The following GDF11 variants were observed in gnomAD, a reference collection of about 807,000 sequenced individuals.
The protein encoded by GDF11 is growth differentiation factor 11, also known as growth/differentiation factor 11.
GDF11 carries 12 observed loss-of-function variants against 34.4 expected under a neutral mutation model. That is an observed-to-expected ratio of 0.35 (90% CI 0.22 to 0.57). GDF11 has a LOEUF of 0.57. Ranked by LOEUF, GDF11 falls within the 20% of genes least tolerant of loss-of-function variation. The probability of loss-of-function intolerance (pLI) is 0.86; values close to 1 mark genes in which losing one functional copy is unlikely to be tolerated. For missense variants in GDF11, 346 were observed against 548.2 expected (o/e 0.63, Z 3.68); for synonymous variants, 212 against 231.1 (o/e 0.92, Z 0.75).
intron 1 of GDF11, among the ~76,000 whole-genome samples, chr12:55,746,084 C>G (rs902208348): frequency 1.3e-5 from 2 of 152,148 alleles, no homozygotes; most frequent in Non-Finnish European, 2.9e-5. Context: ...GCGCCGCCTA[C>G]TAAACCTGAC....
Position 55,753,383 on chromosome 12 carries a change from G to C in GDF11, c.*3501G>C, listed in dbSNP as rs893438669. ...ATCTCAAATATTCTTTCAGTTCACT[G>C]TAAAAATTTTTCCCATGTACCTAGA... On this transcript the variant is annotated 3_prime_UTR_variant, in exon 3 of 3. Coordinates refer to ENST00000257868, the MANE Select transcript of GDF11 (RefSeq NM_005811.5). The C allele has an allele frequency of 2.6e-5, 4 of 152,144 alleles. No homozygotes were observed. Among genetic ancestry groups the C allele is most frequent in the African/African-American group, 9.7e-5 (4 of 41,430 alleles). 9.4% of individuals were successfully genotyped at this position (152,144 alleles called of 1,614,324 possible).
Position 55,757,216 on chromosome 12 carries a change from A to T in GDF11, c.*7334A>T, listed in dbSNP as rs1878533574. 4.1e-6 allele frequency: 1 copy of T among 241,480 alleles called. No homozygotes were observed. Among genetic ancestry groups the T allele is most frequent in the Non-Finnish European group, 8.0e-6 (1 of 124,798 alleles). 15.0% of individuals were successfully genotyped at this position (241,480 alleles called of 1,614,324 possible). A position where few individuals can be genotyped will look rare whatever the true frequency, so the allele number is the denominator to read the frequency against. On this transcript the variant is annotated 3_prime_UTR_variant, in exon 3 of 3. Transcript: ENST00000257868. Reference sequence around the variant, plus strand: ...AATATTTGCCCCTGAAGCTCCCCTTATCTGGTCTAATCTAGCTCCAATAAA... The same window carrying T: ...AATATTTGCCCCTGAAGCTCCCCTTTTCTGGTCTAATCTAGCTCCAATAAA...
In GDF11 at chr12:55,748,807, T is replaced by A; in HGVS notation, c.667T>A (p.Ser223Thr). 6.2e-7 allele frequency: 1 copy of A among 1,614,142 alleles called. No individual in the cohort carries two copies. The highest frequency in any genetic ancestry group is 8.5e-7 in the Non-Finnish European group (1 of 1,180,034). The change falls in exon 2 of 3, where the codon TCA becomes ACA. Residue 223 changes from serine to threonine, a missense_variant. Around this residue, in one of 3 missense-constraint regions of GDF11, gnomAD observed 205 missense variants for 311.3 expected, o/e 0.66. Coordinates refer to ENST00000257868, the MANE Select transcript of GDF11 (RefSeq NM_005811.5). The surrounding 1 kb of genome is among the most constrained non-coding windows in gnomAD (Gnocchi z 5.6). Reference protein sequence around the residue: ...GGGRRHIRIRSLKIELHSRSG... With the variant: ...GGGRRHIRIRTLKIELHSRSG... ...AGGCCGGCGTCACATCCGTATCCGC[T>A]CACTGAAGATTGAGCTGCACTCACG...
Position 55,749,432 on chromosome 12 carries a change from G to A in GDF11, c.844-70G>A. The A allele has an allele frequency of 1.4e-6, 2 of 1,478,726 alleles. No homozygotes were observed. The highest frequency in any genetic ancestry group is 1.8e-6 in the Non-Finnish European group (2 of 1,098,032). 91.6% of individuals were successfully genotyped at this position (1,478,726 alleles called of 1,614,324 possible). A position where few individuals can be genotyped will look rare whatever the true frequency, so the allele number is the denominator to read the frequency against. ...CTCTATTCTGATGCCCCTGGCAGGTGGGAAAGGAACAGGGAAGAGGAACTG... is the reference window on the plus strand; with the variant it reads ...CTCTATTCTGATGCCCCTGGCAGGTAGGAAAGGAACAGGGAAGAGGAACTG... On this transcript the variant is annotated intron_variant, in intron 2 of 2. Transcript: ENST00000257868. This position sits in a 1 kb window ranked among gnomAD's most constrained non-coding sequence, Gnocchi z 5.6.
In GDF11 at chr12:55,748,299, T is replaced by C. The variant is rs1333485536; in HGVS notation, c.446-287T>C. The stretch of plus-strand genomic sequence containing the variant: ...GCTGGGAAAAGTTGGACAGTAAGGA[T>C]GGTGGTGGATGAATAATTTTGCAGG... On this transcript the variant is annotated intron_variant, in intron 1 of 2. Transcript: ENST00000257868. This position sits in a 1 kb window ranked among gnomAD's most constrained non-coding sequence, Gnocchi z 5.6. Among the ~76,000 whole-genome samples the C allele has an allele frequency of 2.6e-5, 4 of 152,122 alleles. No homozygotes were observed. Among genetic ancestry groups the C allele is most frequent in the Non-Finnish European group, 4.4e-5 (3 of 68,024 alleles).
At chr12:55,743,950 A>G (rs1182162784) in intron 1 of GDF11, among the ~76,000 whole-genome samples, 189 bp downstream of exon 1, 3 of 152,134 alleles carry the variant, frequency 2.0e-5, no homozygotes. Flanking sequence ...GCAAAGTTGT[A>G]TGCACGCCTA....
chr12:55,750,861 A>G lies in GDF11; in HGVS notation c.*979A>G, dbSNP rs556284143. ...CCTCATGATGCTGAGTTATTTAGCC[A>G]GAGGGTGCAGCCTGCTTATGCCCAA... On this transcript the variant is annotated 3_prime_UTR_variant, in exon 3 of 3. Coordinates refer to ENST00000257868, the MANE Select transcript of GDF11 (RefSeq NM_005811.5). 1 of 152,312 alleles carries G rather than the reference A, an allele frequency of 6.6e-6. No individual in the cohort carries two copies. The highest frequency in any genetic ancestry group is 1.9e-4 in the East Asian group (1 of 5,182). The allele number at this position is 152,312 out of a possible 1,614,324, so 9.4% of individuals were successfully genotyped here.
At position 55,749,994 on chromosome 12, in the gene GDF11, G is replaced by GTTCCCCGACCAAGCC; in HGVS notation, c.*113_*127dup. Reference sequence around the variant, plus strand: ...CCACTCTTCCCGCGAACATCACACCGTTCCCCGACCAAGCCGTGTGCAATA... The same window carrying GTTCCCCGACCAAGCC: ...CCACTCTTCCCGCGAACATCACACCGTTCCCCGACCAAGCCTTCCCCGACCAAGCCGTGTGCAATA... On this transcript the variant is annotated 3_prime_UTR_variant, in exon 3 of 3. Transcript: ENST00000257868. This position sits in a 1 kb window ranked among gnomAD's most constrained non-coding sequence, Gnocchi z 5.6. The GTTCCCCGACCAAGCC allele has an allele frequency of 1.1e-6, 1 of 932,102 alleles. No homozygotes were observed. The highest frequency in any genetic ancestry group is 2.5e-5 in the East Asian group (1 of 40,720). 57.7% of individuals were successfully genotyped at this position (932,102 alleles called of 1,614,324 possible).
chr12:55,743,259 C>T lies in GDF11; in HGVS notation c.-58C>T, dbSNP rs1878092455. 4 of 629,550 alleles carry T rather than the reference C, an allele frequency of 6.4e-6. No homozygotes were observed. In the South Asian group the frequency reaches 2.0e-4, roughly 31 times the overall value. 39.0% of individuals were successfully genotyped at this position (629,550 alleles called of 1,614,324 possible). A position where few individuals can be genotyped will look rare whatever the true frequency, so the allele number is the denominator to read the frequency against. On this transcript the variant is annotated 5_prime_UTR_variant, in exon 1 of 3. Coordinates refer to ENST00000257868, the MANE Select transcript of GDF11 (RefSeq NM_005811.5). ...TCCTCCCTCCCTCCTCCCTCCGCCC[C>T]CTCCCCGCGGGACTCCGGCGTCCCC...
At position 55,755,757 on chromosome 12, in the gene GDF11, A is replaced by G. The variant is rs1006257177; in HGVS notation, c.*5875A>G. ...TTAGAGACTTCTGACCAACATAGGA[A>G]CAGCTGCTGAAATGGGATGAAAGAG... On this transcript the variant is annotated 3_prime_UTR_variant, in exon 3 of 3. Coordinates refer to ENST00000257868, the MANE Select transcript of GDF11 (RefSeq NM_005811.5). The G allele has an allele frequency of 1.5e-4, 23 of 151,786 alleles. No homozygotes were observed. Among genetic ancestry groups the G allele is most frequent in the African/African-American group, 5.3e-4 (22 of 41,160 alleles). 9.4% of individuals were successfully genotyped at this position (151,786 alleles called of 1,614,324 possible). A position where few individuals can be genotyped will look rare whatever the true frequency, so the allele number is the denominator to read the frequency against.
In GDF11 at chr12:55,751,721, G is replaced by C. The variant is rs1878327960; in HGVS notation, c.*1839G>C. 1 of 152,184 alleles carries C rather than the reference G, an allele frequency of 6.6e-6. No homozygotes were observed. The highest frequency in any genetic ancestry group is 1.5e-5 in the Non-Finnish European group (1 of 68,058). 9.4% of individuals were successfully genotyped at this position (152,184 alleles called of 1,614,324 possible). ...TCACCACCAGGCCTCTTGGCTCCAG[G>C]CAAGAGCTTAGAGGATGTCAGGAGA... On this transcript the variant is annotated 3_prime_UTR_variant, in exon 3 of 3. Transcript: ENST00000257868.
At chr12:55,744,493 G>C (rs1002172388) in intron 1 of GDF11, among the ~76,000 whole-genome samples, 5 of 152,156 alleles carry the variant, frequency 3.3e-5, no homozygotes, top group Non-Finnish European at 5.9e-5. Flanking sequence ...GGACTTGAGA[G>C]AGACGAAGAC....
chr12:55,746,905 G>A (rs1022084106), intron 1 of GDF11, among the ~76,000 whole-genome samples: 4 of 152,200 alleles, frequency 2.6e-5, no homozygotes, highest in African/African-American at 4.8e-5. Context: ...AGAACTTTCA[G>A]GCACTTGCCT....
In GDF11 at chr12:55,756,236, T is replaced by C. The variant is rs1878502238; in HGVS notation, c.*6354T>C. 1 of 152,208 alleles carries C rather than the reference T, an allele frequency of 6.6e-6. No homozygotes were observed. The highest frequency in any genetic ancestry group is 1.5e-5 in the Non-Finnish European group (1 of 68,030). The allele number at this position is 152,208 out of a possible 1,614,324, so 9.4% of individuals were successfully genotyped here. On this transcript the variant is annotated 3_prime_UTR_variant, in exon 3 of 3. Transcript: ENST00000257868. ...TTTGGTTGAAGAGGTGTCAAAAATT[T>C]AACCAGCATTCCCTTTTGTTCACTT... is the stretch of plus-strand genomic sequence containing the variant.
At position 55,753,782 on chromosome 12, in the gene GDF11, AAAAAAAAAAAAAAGG is replaced by A. The variant is rs1878414217; in HGVS notation, c.*3904_*3918del. On this transcript the variant is annotated 3_prime_UTR_variant, in exon 3 of 3. Coordinates refer to ENST00000257868, the MANE Select transcript of GDF11 (RefSeq NM_005811.5). Reference sequence around the variant, plus strand: ...AGACTCCCATCTCCAAAAAAAAAAAAAAAAAAAAAAAAAGGAAAGCAGGACCCAGTGGTGTGCTCC... The same window carrying A: ...AGACTCCCATCTCCAAAAAAAAAAAAAAAGCAGGACCCAGTGGTGTGCTCC... 1 of 150,820 alleles carries A rather than the reference AAAAAAAAAAAAAAGG, an allele frequency of 6.6e-6. No individual in the cohort carries two copies. The highest frequency in any genetic ancestry group is 6.6e-5 in the Admixed American group (1 of 15,114). The allele number at this position is 150,820 out of a possible 1,614,324, so 9.3% of individuals were successfully genotyped here.
In GDF11 at chr12:55,743,296, C is replaced by T. The variant is rs988368754; in HGVS notation, c.-21C>T. On this transcript the variant is annotated 5_prime_UTR_variant, in exon 1 of 3. Transcript: ENST00000257868. The stretch of plus-strand genomic sequence containing the variant: ...ACTCCGGCGTCCCCGCCCCCCAGTC[C>T]TCCCTCCCCTCCCCTCCAGCATGGT... The T allele has an allele frequency of 1.2e-5, 11 of 952,010 alleles. No individual in the cohort carries two copies. In the African/African-American group the frequency reaches 2.0e-4, roughly 17 times the overall value. 59.0% of individuals were successfully genotyped at this position (952,010 alleles called of 1,614,324 possible).
rs1878291670 is a variant in GDF11, at chr12:55,750,677, A to G, written c.*795A>G. ...TTAGTTTCTAACCCATCATCACCCTAACTCAACCTTTTCTGAGCCAAATGG... is the reference window on the plus strand; with the variant it reads ...TTAGTTTCTAACCCATCATCACCCTGACTCAACCTTTTCTGAGCCAAATGG... On this transcript the variant is annotated 3_prime_UTR_variant, in exon 3 of 3. Coordinates refer to ENST00000257868, the MANE Select transcript of GDF11 (RefSeq NM_005811.5). 6.6e-6 allele frequency: 1 copy of G among 152,148 alleles called. No individual in the cohort carries two copies. The highest frequency in any genetic ancestry group is 2.1e-4 in the South Asian group (1 of 4,834). 9.4% of individuals were successfully genotyped at this position (152,148 alleles called of 1,614,324 possible).
At position 55,749,982 on chromosome 12, in the gene GDF11, G is replaced by T. The variant is rs534043788; in HGVS notation, c.*100G>T. The T allele has an allele frequency of 2.0e-6, 2 of 1,020,318 alleles. No homozygotes were observed. Among genetic ancestry groups the T allele is most frequent in the African/African-American group, 1.6e-5 (1 of 62,764 alleles). 63.2% of individuals were successfully genotyped at this position (1,020,318 alleles called of 1,614,324 possible). A position where few individuals can be genotyped will look rare whatever the true frequency, so the allele number is the denominator to read the frequency against. On this transcript the variant is annotated 3_prime_UTR_variant, in exon 3 of 3. Transcript: ENST00000257868. This position sits in a 1 kb window ranked among gnomAD's most constrained non-coding sequence, Gnocchi z 5.6. ...CTAGAGCTCCCTCCACTCTTCCCGC[G>T]AACATCACACCGTTCCCCGACCAAG...
At chr12:55,743,893 G>A (rs1878121622) in intron 1 of GDF11, 132 bp downstream of exon 1, 2 of 685,678 alleles carry the variant, frequency 2.9e-6, no homozygotes, top group Admixed American at 6.4e-5. Flanking sequence ...ACGAATTAGG[G>A]AGCGGGGGCT....
Sources: allele counts gnomAD v4.1 joint callset (sites outside exome capture counted in the v4.1 genomes callset), GRCh38; gene constraint gnomAD v4.1.1; regional missense constraint gnomAD v4.1.1; non-coding constraint Gnocchi (gnomAD v3.1); transcripts MANE v1.5; gene names NCBI Gene and HGNC (gene_info 2026-07-23, HGNC 2026-07-21).